NCKAP5: variants seen among roughly 807,000 people sequenced by gnomAD.
NCKAP5 encodes the protein NCK associated protein 5.
NCKAP5 carries 92 observed loss-of-function variants against 167.0 expected under a neutral mutation model. The ratio of observed to expected loss-of-function variants is 0.55; its 90% CI spans 0.47 to 0.66. The LOEUF (loss-of-function observed/expected upper bound fraction) is 0.66. NCKAP5 is among the 30% of genes least tolerant of loss of function. The pLI is 0.00. For synonymous variants in NCKAP5, 891 were observed against 877.4 expected (o/e 1.02, Z -0.27); for missense variants, 2,378 against 2,315.0 (o/e 1.03, Z -0.56).
chr2:133,166,070 A>C (rs151303481), intron 5 of NCKAP5, among the ~76,000 whole-genome samples: 1 of 152,294 alleles, frequency 6.6e-6, no homozygotes, highest in African/African-American at 2.4e-5. Context: ...GCAGTATCAA[A>C]TAGGGCCCTG....
chr2:132,788,147 G>A (rs550551023), intron 13 of NCKAP5, among the ~76,000 whole-genome samples: 4 of 152,282 alleles, frequency 2.6e-5, no homozygotes, highest in Admixed American at 6.5e-5. Flanking sequence ...CGAATGCCCC[G>A]TGGGAGTGAT....
At chr2:133,307,505 T>A (rs1419746185) in intron 3 of NCKAP5, among the ~76,000 whole-genome samples, 2 of 150,826 alleles carry the variant, frequency 1.3e-5, no homozygotes, top group Admixed American at 1.3e-4. Context: ...TGAAAAAAAA[T>A]AGTGAAGAAA....
At chr2:133,200,746 G>C (rs760715618) in intron 5 of NCKAP5, among the ~76,000 whole-genome samples, 3 of 152,120 alleles carry the variant, frequency 2.0e-5, no homozygotes, top group Non-Finnish European at 2.9e-5. Flanking sequence ...AAAAACAACT[G>C]CACAAGAATT....
At chr2:132,683,799 C>T (rs1411007558) in intron 19 of NCKAP5, among the ~76,000 whole-genome samples, 3 of 152,152 alleles carry the variant, frequency 2.0e-5, no homozygotes, top group Non-Finnish European at 4.4e-5. Context: ...AGTTTGGTGA[C>T]CCATCTTGGT....
At chr2:133,018,839 G>A (rs772153187) in intron 6 of NCKAP5, among the ~76,000 whole-genome samples, 1 of 152,140 alleles carries the variant, frequency 6.6e-6, no homozygotes, top group African/African-American at 2.4e-5. Flanking sequence ...GCCAGTTCAC[G>A]GTCAGCATGA....
chr2:132,979,958 A>T (rs991442280), intron 7 of NCKAP5, among the ~76,000 whole-genome samples: 1 of 151,738 alleles, frequency 6.6e-6, no homozygotes, highest in Non-Finnish European at 1.5e-5. Context: ...CAAGCCTTGC[A>T]GTACAATGAT....
intron 3 of NCKAP5, among the ~76,000 whole-genome samples, chr2:133,414,424 A>G (rs1688974759): frequency 6.6e-6 from 1 of 152,172 alleles, no homozygotes; most frequent in African/African-American, 2.4e-5. Context: ...ATTTACCCTA[A>G]AGGCAATGCA....
chr2:132,994,783 A>G (rs980744177), intron 6 of NCKAP5, among the ~76,000 whole-genome samples: 1 of 152,162 alleles, frequency 6.6e-6, no homozygotes, highest in African/African-American at 2.4e-5. Flanking sequence ...TGATTTTGTC[A>G]TTTTGCAAAC....
At chr2:133,342,877 G>A (rs1030133590) in intron 3 of NCKAP5, among the ~76,000 whole-genome samples, 102 of 152,292 alleles carry the variant, frequency 6.7e-4, no homozygotes, top group African/African-American at 2.4e-3. Context: ...GAGGACACCA[G>A]AATGATCCCT....
At chr2:133,129,707 C>T (rs888775424) in intron 6 of NCKAP5, among the ~76,000 whole-genome samples, 7 of 152,186 alleles carry the variant, frequency 4.6e-5, no homozygotes, top group African/African-American at 1.7e-4. Flanking sequence ...GCTGCAAAGC[C>T]ACCACAACTC....
intron 5 of NCKAP5, among the ~76,000 whole-genome samples, chr2:133,158,592 T>C (rs1371392316): frequency 6.6e-6 from 1 of 152,178 alleles, no homozygotes; most frequent in African/African-American, 2.4e-5. Flanking sequence ...GAATGATGCT[T>C]CTCTATTCTC....
chr2:132,893,451 T>C (rs982750954), intron 8 of NCKAP5, among the ~76,000 whole-genome samples: 1 of 152,184 alleles, frequency 6.6e-6, no homozygotes, highest in African/African-American at 2.4e-5. Context: ...TCAATTTATA[T>C]AATGGGATAC....
chr2:133,345,803 G>A (rs1276445722), intron 3 of NCKAP5, among the ~76,000 whole-genome samples: 1 of 151,982 alleles, frequency 6.6e-6, no homozygotes, highest in African/African-American at 2.4e-5. Context: ...AAAGATCACT[G>A]GGGATAAAGG....
At chr2:133,353,721 A>C (rs889526456) in intron 3 of NCKAP5, among the ~76,000 whole-genome samples, 1 of 152,200 alleles carries the variant, frequency 6.6e-6, no homozygotes, top group African/African-American at 2.4e-5. Flanking sequence ...GAAAGAGAGA[A>C]GAGGAACATC....
chr2:133,241,669 C>G (rs142327332), intron 4 of NCKAP5, among the ~76,000 whole-genome samples: 245 of 152,282 alleles, frequency 1.6e-3, no homozygotes, highest in African/African-American at 5.1e-3. Flanking sequence ...CCACATAACT[C>G]TTCCTCACCA....
At chr2:133,312,549 C>G (rs531642121) in intron 3 of NCKAP5, among the ~76,000 whole-genome samples, 1 of 152,204 alleles carries the variant, frequency 6.6e-6, no homozygotes, top group South Asian at 2.1e-4. Flanking sequence ...AATCCCCAGC[C>G]TAAAGACAAG....
At chr2:133,658,630 C>T in the NCKAP5 span, among the ~76,000 whole-genome samples, 2 of 152,144 alleles carry the variant, frequency 1.3e-5, no homozygotes, top group Admixed American at 6.5e-5. Flanking sequence ...TCGGGACCTA[C>T]GGATGCAAAG....
chr2:133,513,482 C>T (rs769873464), intron 3 of NCKAP5, among the ~76,000 whole-genome samples: 8 of 152,112 alleles, frequency 5.3e-5, no homozygotes, highest in Admixed American at 2.0e-4. Context: ...GGATGATTGG[C>T]CAGGTAGAGA....
chr2:133,095,174 C>T (rs1461237048), intron 6 of NCKAP5, among the ~76,000 whole-genome samples: 1 of 152,156 alleles, frequency 6.6e-6, no homozygotes, highest in African/African-American at 2.4e-5. Context: ...AACTGCTACA[C>T]AGTAACAGAA....
Sources: gnomAD v4.1 joint callset for allele counts (sites outside exome capture counted in the v4.1 genomes callset) on GRCh38, gnomAD v4.1.1 for gene constraint, MANE v1.5 for transcripts, NCBI Gene and HGNC (gene_info 2026-07-23, HGNC 2026-07-21) for gene names.